CPT1B: variants seen among roughly 807,000 people sequenced by gnomAD.
CPT1B encodes the protein carnitine O-palmitoyltransferase 1, muscle isoform.
CPT1B carries 57 observed loss-of-function variants against 92.7 expected under a neutral mutation model. The ratio of observed to expected loss-of-function variants is 0.62; its 90% confidence interval spans 0.50 to 0.77. The LOEUF (loss-of-function observed/expected upper bound fraction) is 0.77. Ranked by LOEUF, CPT1B falls within the 30% of genes least tolerant of loss-of-function variation. CPT1B has a pLI of 0.00. For missense variants in CPT1B, 983 were observed against 1,017.4 expected, an observed-to-expected ratio of 0.97 and a Z score of 0.46; for synonymous variants, 398 against 383.5, an observed-to-expected ratio of 1.04 and a Z score of -0.44.
chr22:50,574,194 T>C, intron 9 of CPT1B, 141 bp downstream of exon 9: 2 of 721,988 alleles, frequency 2.8e-6, no homozygotes, highest in South Asian at 1.7e-5. Context: ...CTGTAAACAA[T>C]GGATGTCTAG....
In CPT1B at chr22:50,570,986, G is replaced by A. The variant is rs752154261; in HGVS notation, c.1933C>T (p.Arg645Cys). 23 of 1,613,914 alleles carry A rather than the reference G, an allele frequency of 1.4e-5. No homozygotes were observed. The highest frequency in any genetic ancestry group is 5.5e-5 in the South Asian group (5 of 91,088). The stretch of plus-strand genomic sequence containing the variant: ...ATCCCTGCCCCGGTCATGGCCAGGC[G>A]GTACATATTCTGGTGCTTCTTAGCA... ...KAAKKHQNMY[R>C]LAMTGAGIDR... is the part of the protein sequence containing the mutation. Residue 645 changes from arginine to cysteine, a missense_variant, in exon 16 of 20, where the codon CGC becomes TGC. Coordinates refer to ENST00000312108, the MANE Select transcript of CPT1B (RefSeq NM_152246.3).
In CPT1B at chr22:50,573,413, A is replaced by T; in HGVS notation, c.1166+107T>A. On this transcript the variant is annotated intron_variant, in intron 10 of 19. Transcript: ENST00000312108. This position sits in a 1 kb window ranked among gnomAD's most constrained non-coding sequence, Gnocchi z 5.0. ...CCATGACCACCAATGCCCCTCCCCTAGTTGTGCCTCCAGCCTCCAGTTCCA... is the reference window on the plus strand; with the variant it reads ...CCATGACCACCAATGCCCCTCCCCTTGTTGTGCCTCCAGCCTCCAGTTCCA... 1 of 968,472 alleles carries T rather than the reference A, an allele frequency of 1.0e-6. No homozygotes were observed. Among genetic ancestry groups the T allele is most frequent in the Non-Finnish European group, 1.5e-6 (1 of 654,962 alleles). 60.0% of individuals were successfully genotyped at this position (968,472 alleles called of 1,614,324 possible).
Position 50,571,920 on chromosome 22 carries a change from G to A in CPT1B, c.1575+86C>T, listed in dbSNP as rs532271897. 241 of 1,242,520 alleles carry A rather than the reference G, an allele frequency of 1.9e-4. No individual in the cohort carries two copies. The African/African-American group carries it at 2.9e-3, about 15-fold the overall frequency. The allele number at this position is 1,242,520 out of a possible 1,614,324, so 77.0% of individuals were successfully genotyped here. On this transcript the variant is annotated intron_variant, in intron 13 of 19. Coordinates refer to ENST00000312108, the MANE Select transcript of CPT1B (RefSeq NM_152246.3). ...GCTGGGCCAGGCAGTGAGGCCAGCA[G>A]GGGAGGAGGAGGCTCAGGCCTCGTC...
In CPT1B at chr22:50,577,448, C is replaced by T; in HGVS notation, c.157G>A (p.Gly53Ser). ...CTGGTGGGGCTGCCAGGGTACACGC[C>T]CCTGAGGATGCCATTCTGTGGGCAG... ...LIRIKNGILRGVYPGSPTSWL... is the reference protein window; with the variant it reads ...LIRIKNGILRSVYPGSPTSWL... The change falls in exon 3 of 20, where the codon GGC (glycine) becomes AGC (serine). Residue 53 changes from glycine to serine, a missense_variant. Coordinates refer to ENST00000312108, the MANE Select transcript of CPT1B (RefSeq NM_152246.3). 6.2e-7 allele frequency: 1 copy of T among 1,613,668 alleles called. No homozygotes were observed. The highest frequency in any genetic ancestry group is 8.5e-7 in the Non-Finnish European group (1 of 1,179,970).
rs771071272 is a variant in CPT1B, at chr22:50,572,224, G to A, written c.1437C>T (p.Pro479=). Reference sequence around the variant, plus strand: ...TTACCTCCCAGAGGTGCCCAATGATGGGAGCATCTGCCCACGCATGCTCTG... The same window carrying A: ...TTACCTCCCAGAGGTGCCCAATGATAGGAGCATCTGCCCACGCATGCTCTG... ...LNAEHAWADA[P]IIGHLWEFVL... Residue 479 remains proline (P), a synonymous_variant, in exon 12 of 20, where the codon CCC becomes CCT. Transcript: ENST00000312108. The A allele has an allele frequency of 9.0e-5, 146 of 1,613,508 alleles. 2 individuals carry two copies. The highest frequency in any genetic ancestry group is 5.5e-4 in the South Asian group (50 of 91,072).
intron 13 of CPT1B, chr22:50,571,743 T>A: frequency 1.5e-6 from 1 of 659,596 alleles, no homozygotes; most frequent in Non-Finnish European, 2.6e-6. Context: ...AGGGAAGTGC[T>A]GAAAATGCTC....
rs150050955 is a variant in CPT1B at position 50,576,942 on chromosome 22, C to T, written c.374G>A (p.Arg125His). The T allele has an allele frequency of 2.3e-5, 37 of 1,614,070 alleles. No individual in the cohort carries two copies. The highest frequency in any genetic ancestry group is 2.9e-5 in the Non-Finnish European group (34 of 1,180,012). The change falls in exon 4 of 20, where the codon CGC (arginine) becomes CAC (histidine). Residue 125 changes from arginine to histidine, a missense_variant. Physicochemically the swap from Arg to His is conservative, Grantham distance 29. Transcript: ENST00000312108. Reference protein sequence around the residue: ...GVWVTGIFFFRQTLKLLLCYH... With the variant: ...GVWVTGIFFFHQTLKLLLCYH... ...GCAGAGAAGCAGCTTCAGGGTTTGG[C>T]GGAAGAAGAAGATGCCCGTCACCCA...
Position 50,570,938 on chromosome 22 carries a change from A to G in CPT1B, c.1981T>C (p.Tyr661His). ...ACTCCTAGGTACTTGGAGACCAAGT[A>G]AAGGCAGAAGAGGTGCCTGTCGATC... is the stretch of plus-strand genomic sequence containing the variant. ...AGIDRHLFCL[Y>H]LVSKYLGVSS... is the part of the protein sequence containing the mutation. Residue 661 changes from tyrosine to histidine, a missense_variant, in exon 16 of 20, where the codon TAC (tyrosine) becomes CAC (histidine). Physicochemically the swap from Tyr to His is moderately conservative, Grantham distance 83. Transcript: ENST00000312108. 1 of 1,613,944 alleles carries G rather than the reference A, an allele frequency of 6.2e-7. No homozygotes were observed. Among genetic ancestry groups the G allele is most frequent in the Non-Finnish European group, 8.5e-7 (1 of 1,180,034 alleles).
chr22:50,569,830 C>T (rs2070074303), intron 17 of CPT1B, among the ~76,000 whole-genome samples, 162 bp from the exon 18 acceptor site: 1 of 152,192 alleles, frequency 6.6e-6, no homozygotes, highest in Non-Finnish European at 1.5e-5. Context: ...CTGTGAAAAC[C>T]AAAGAATGCT....
At chr22:50,572,157 C>T in intron 12 of CPT1B, 35 bp from the exon 13 acceptor site, 1 of 1,612,402 alleles carries the variant, frequency 6.2e-7, no homozygotes, top group South Asian at 1.1e-5. Flanking sequence ...AGGCTGGCCT[C>T]ATCCCCTACA....
chr22:50,578,060 G>A, intron 1 of CPT1B, 126 bp from the exon 2 acceptor site: 1 of 514,000 alleles, frequency 1.9e-6, no homozygotes, highest in Non-Finnish European at 2.7e-6. Context: ...GCTGCCCCCG[G>A]CCCGCGCCCC....
chr22:50,578,034 C>CA lies in CPT1B; in HGVS notation c.-19-101dup. ...CCAGTCCGCGACCCCTCGCGCCCCC[C>CA]ACCCCGCGACTAGCGGCTGCCCCCG... On this transcript the variant is annotated intron_variant, in intron 1 of 19. Coordinates refer to ENST00000312108, the MANE Select transcript of CPT1B (RefSeq NM_152246.3). The CA allele has an allele frequency of 1.1e-5, 8 of 746,602 alleles. No homozygotes were observed. In the South Asian group the frequency reaches 5.2e-4, roughly 49 times the overall value. 46.2% of individuals were successfully genotyped at this position (746,602 alleles called of 1,614,324 possible). A position where few individuals can be genotyped will look rare whatever the true frequency, so the allele number is the denominator to read the frequency against.
chr22:50,577,298 T>G, intron 3 of CPT1B, 26 bp downstream of exon 3: 1 of 1,612,582 alleles, frequency 6.2e-7, no homozygotes, highest in South Asian at 1.1e-5. Context: ...TGGTGGCACC[T>G]GTGCCCTTCC....
Position 50,574,403 on chromosome 22 carries a change from ATGCCCAG to A in CPT1B, c.895_901del (p.Leu299Ter), listed in dbSNP as rs1345341634. ...CATCTGGTAGGAGCACATAGGCACT[ATGCCCAG>A]TGCCATCACCTGAGGGAAGGCCCAG... On this transcript the variant is annotated frameshift_variant, in exon 9 of 20. Coordinates refer to ENST00000312108, the MANE Select transcript of CPT1B (RefSeq NM_152246.3). LOFTEE classifies it high-confidence loss of function. 2.5e-6 allele frequency: 4 copies of A among 1,613,930 alleles called. No individual in the cohort carries two copies. In the African/African-American group the frequency reaches 5.3e-5, roughly 22 times the overall value.
intron 17 of CPT1B, among the ~76,000 whole-genome samples, 159 bp from the exon 18 acceptor site, chr22:50,569,827 A>T (rs1004572545): frequency 1.3e-5 from 2 of 152,200 alleles, no homozygotes; most frequent in African/African-American, 2.4e-5. Flanking sequence ...AAACTGTGAA[A>T]ACCAAAGAAT....
intron 16 of CPT1B, 127 bp downstream of exon 16, chr22:50,570,764 G>A: frequency 1.5e-6 from 2 of 1,304,140 alleles, no homozygotes; most frequent in Non-Finnish European, 2.1e-6. Flanking sequence ...GGGAAAGCTG[G>A]CCCAGCACTC....
At chr22:50,574,721 C>A in intron 7 of CPT1B, 121 bp from the exon 8 acceptor site, 1 of 725,352 alleles carries the variant, frequency 1.4e-6, no homozygotes, top group Non-Finnish European at 2.4e-6. Flanking sequence ...TCCAGTACAT[C>A]CTGCACATGC....
chr22:50,570,223 G>A, intron 17 of CPT1B, 70 bp downstream of exon 17: 1 of 1,158,552 alleles, frequency 8.6e-7, no homozygotes, highest in South Asian at 1.6e-5. Context: ...TCTGACCTCA[G>A]GGCCTGCACT....
chr22:50,573,537 G>A lies in CPT1B; in HGVS notation c.1149C>T (p.Ala383=). 6.2e-7 allele frequency: 1 copy of A among 1,611,882 alleles called. No individual in the cohort carries two copies. The highest frequency in any genetic ancestry group is 8.5e-7 in the Non-Finnish European group (1 of 1,178,956). The change falls in exon 10 of 20, where the codon GCC becomes GCT. Residue 383 remains alanine (A), a synonymous_variant. Transcript: ENST00000312108. This position sits in a 1 kb window ranked among gnomAD's most constrained non-coding sequence, Gnocchi z 5.0. Reference sequence around the variant, plus strand: ...GCCAATACCTTCCTCCTGCAGTGAGGGCTGCCAGCTTCTCCTCCCCAGGCT... The same window carrying A: ...GCCAATACCTTCCTCCTGCAGTGAGAGCTGCCAGCTTCTCCTCCCCAGGCT... The part of the protein sequence containing the change: ...PPQPGEEKLA[A]LTAGGRVEWA...
Sources: allele counts gnomAD v4.1 joint callset (sites outside exome capture counted in the v4.1 genomes callset), GRCh38; gene constraint gnomAD v4.1.1; non-coding constraint Gnocchi (gnomAD v3.1); transcripts MANE v1.5; gene names NCBI Gene and HGNC (gene_info 2026-07-23, HGNC 2026-07-21).